CAPN9: variants seen among roughly 807,000 people sequenced by gnomAD.
CAPN9 encodes the protein calpain 9, also known as calpain-9.
A neutral mutation model predicts 92.8 loss-of-function variants in CAPN9; 81 were observed. That is an observed-to-expected ratio of 0.87 (90% confidence interval 0.73 to 1.05). The LOEUF is 1.05. Among genes scored for constraint, CAPN9 ranks in the 50% least tolerant of loss-of-function variants. The probability of loss-of-function intolerance (pLI) is 0.00; values close to 1 mark genes in which losing one functional copy is unlikely to be tolerated. For missense variants in CAPN9, 848 were observed against 866.2 expected (o/e 0.98, Z 0.26); for synonymous variants, 304 against 328.0 (o/e 0.93, Z 0.79).
chr1:230,752,605 G>C, intron 1 of CAPN9: 1 of 872,246 alleles, frequency 1.1e-6, no homozygotes, highest in Non-Finnish European at 1.4e-6. Context: ...GAGGGGAGGG[G>C]CAGGGAGGAT....
chr1:230,776,167 G>A (rs1431048750), intron 8 of CAPN9: 1 of 152,088 alleles, frequency 6.6e-6, no homozygotes, highest in Non-Finnish European at 1.5e-5. Flanking sequence ...CTATATCTGT[G>A]GAGGGCCCTG....
intron 1 of CAPN9, among the ~76,000 whole-genome samples, chr1:230,748,500 A>G (rs1664572631): frequency 6.6e-6 from 1 of 152,118 alleles, no homozygotes; most frequent in Admixed American, 6.5e-5. Flanking sequence ...TGGTCCTACA[A>G]GTGAGATCCT....
At position 230,747,468 on chromosome 1, in the gene CAPN9, G is replaced by T; in HGVS notation, c.-29G>T. 1 of 1,598,034 alleles carries T rather than the reference G, an allele frequency of 6.3e-7. No homozygotes were observed. Among genetic ancestry groups the T allele is most frequent in the South Asian group, 1.1e-5 (1 of 90,708 alleles). On this transcript the variant is annotated 5_prime_UTR_variant, in exon 1 of 20. Coordinates refer to ENST00000271971, the MANE Select transcript of CAPN9 (RefSeq NM_006615.3). ...TCACTTTCTTTTCCATCCACTGCCG[G>T]ACCCAAGCCAGCCTTCCAGGGAGCA... is the stretch of plus-strand genomic sequence containing the variant.
chr1:230,778,561 T>G (rs947983303), intron 8 of CAPN9, among the ~76,000 whole-genome samples: 2 of 152,196 alleles, frequency 1.3e-5, no homozygotes, highest in African/African-American at 4.8e-5. Flanking sequence ...CAAGCACCTC[T>G]CTGCCTCGGG....
chr1:230,786,343 C>G (rs1249584238), intron 12 of CAPN9: 2 of 182,784 alleles, frequency 1.1e-5, no homozygotes, highest in African/African-American at 2.4e-5. Context: ...AGGGATAAAG[C>G]ACTGCAATGG....
At position 230,790,148 on chromosome 1, in the gene CAPN9, C is replaced by G; in HGVS notation, c.1616C>G (p.Ala539Gly). The part of the protein sequence containing the change: ...QVAGEDMEVT[A>G]EELEYVLNAV... The stretch of plus-strand genomic sequence containing the variant: ...CTTCAACAGGACATGGAGGTGACAG[C>G]AGAGGAACTTGAGTATGTTTTAAAT... Residue 539 changes from alanine to glycine, a missense_variant, in exon 14 of 20, where the codon GCA becomes GGA. Ala to Gly is a moderately conservative substitution (Grantham distance 60). Transcript: ENST00000271971. The G allele has an allele frequency of 3.1e-6, 5 of 1,613,942 alleles. No individual in the cohort carries two copies. Among genetic ancestry groups the G allele is most frequent in the Non-Finnish European group, 4.2e-6 (5 of 1,179,840 alleles).
At chr1:230,795,484 G>A (rs866691940) in intron 18 of CAPN9, 12 of 509,214 alleles carry the variant, frequency 2.4e-5, no homozygotes, top group Admixed American at 3.3e-5. Context: ...TCTTAGCATC[G>A]CCTTTCTTTA....
intron 19 of CAPN9, among the ~76,000 whole-genome samples, chr1:230,800,976 C>G (rs1419542789): frequency 1.3e-5 from 2 of 152,130 alleles, no homozygotes; most frequent in Non-Finnish European, 2.9e-5. Context: ...ACACTGTGCC[C>G]AGGAAGGAGG....
chr1:230,751,300 A>G lies in CAPN9; in HGVS notation c.213+3591A>G, dbSNP rs143518546. 1.3e-4 allele frequency among the ~76,000 whole-genome samples: 20 copies of G among 152,322 alleles called. No homozygotes were observed. The East Asian group carries it at 3.9e-3, about 29-fold the overall frequency. On this transcript the variant is annotated intron_variant, in intron 1 of 19. Coordinates refer to ENST00000271971, the MANE Select transcript of CAPN9 (RefSeq NM_006615.3). ...CCATGGCCTCCACAGTGCTGGGCACATGACAGGGATCGGCACATAGCTATG... is the reference window on the plus strand; with the variant it reads ...CCATGGCCTCCACAGTGCTGGGCACGTGACAGGGATCGGCACATAGCTATG...
chr1:230,794,571 C>G (rs961789886), intron 17 of CAPN9, among the ~76,000 whole-genome samples: 1 of 152,204 alleles, frequency 6.6e-6, no homozygotes, highest in Non-Finnish European at 1.5e-5. Context: ...GCCCAGAGAA[C>G]TGAACCCATA....
At chr1:230,756,386 C>T (rs1665229706) in intron 2 of CAPN9, among the ~76,000 whole-genome samples, 1 of 151,784 alleles carries the variant, frequency 6.6e-6, no homozygotes, top group Non-Finnish European at 1.5e-5. Context: ...AGGTAGAAAA[C>T]GGATGCATAA....
chr1:230,800,323 C>T lies in CAPN9; in HGVS notation c.2047-1247C>T, dbSNP rs1405760105. 1.4e-5 allele frequency among the ~76,000 whole-genome samples: 2 copies of T among 147,484 alleles called. 1 individual carries two copies. Among genetic ancestry groups the T allele is most frequent in the Non-Finnish European group, 3.0e-5 (2 of 66,482 alleles). ...GAAAGAAAGGAAAAACAAGAGAGAC[C>T]CCTAGGTCCACCTTTATTTATCATT... is the stretch of plus-strand genomic sequence containing the variant. On this transcript the variant is annotated intron_variant, in intron 19 of 19. Transcript: ENST00000271971.
At chr1:230,758,949 T>A (rs1476310225) in intron 2 of CAPN9, among the ~76,000 whole-genome samples, 1 of 152,214 alleles carries the variant, frequency 6.6e-6, no homozygotes, top group Admixed American at 6.5e-5. Flanking sequence ...TTAGTTTTCC[T>A]CCAGATGTGT....
chr1:230,780,717 G>C lies in CAPN9; in HGVS notation c.1481+9G>C, dbSNP rs1667162685. 1 of 1,610,706 alleles carries C rather than the reference G, an allele frequency of 6.2e-7. No homozygotes were observed. The highest frequency in any genetic ancestry group is 1.1e-5 in the South Asian group (1 of 90,992). ...AAAAAAGCCATTACCCGGTGAGTCA[G>C]AGGAACAGCTTCCAGAATCCCACTT... On this transcript the variant is annotated intron_variant, in intron 11 of 19. Coordinates refer to ENST00000271971, the MANE Select transcript of CAPN9 (RefSeq NM_006615.3).
chr1:230,795,085 G>C (rs1229600893), intron 17 of CAPN9, 78 bp from the exon 18 acceptor site: 1 of 870,342 alleles, frequency 1.1e-6, no homozygotes, highest in Non-Finnish European at 1.9e-6. Flanking sequence ...TCAGCTGCCT[G>C]GGAGCTCCCT....
chr1:230,769,538 T>C (rs766481567), intron 6 of CAPN9, among the ~76,000 whole-genome samples: 18 of 152,236 alleles, frequency 1.2e-4, no homozygotes, highest in Non-Finnish European at 2.2e-4. Flanking sequence ...CCTTCAGTCC[T>C]GTGTTAGTCA....
rs767252772 is a variant in CAPN9 at position 230,772,001 on chromosome 1, TTTTCCC to T, written c.790-10_790-5del. 6.2e-7 allele frequency: 1 copy of T among 1,611,160 alleles called. No homozygotes were observed. Among genetic ancestry groups the T allele is most frequent in the Non-Finnish European group, 8.5e-7 (1 of 1,177,250 alleles). The stretch of plus-strand genomic sequence containing the variant: ...TTATCATTTCACACTTCCCTCATGC[TTTTCCC>T]TTCTAGGTAAGCTTCCGAGGCCAGA... On this transcript the variant is annotated splice_region_variant and splice_polypyrimidine_tract_variant and intron_variant, in intron 6 of 19. Coordinates refer to ENST00000271971, the MANE Select transcript of CAPN9 (RefSeq NM_006615.3).
At chr1:230,761,134 T>C (rs776020292) in intron 3 of CAPN9, among the ~76,000 whole-genome samples, 8 of 152,116 alleles carry the variant, frequency 5.3e-5, no homozygotes, top group Non-Finnish European at 7.4e-5. Context: ...CCAGGGATCA[T>C]GTGGGGGTGG....
rs753939021 is a variant in CAPN9, at chr1:230,795,271, A to G, written c.1979A>G (p.Asn660Ser). The G allele has an allele frequency of 1.9e-6, 3 of 1,603,806 alleles. No individual in the cohort carries two copies. The highest frequency in any genetic ancestry group is 2.6e-6 in the Non-Finnish European group (3 of 1,173,100). ...DFLNCLVRLE[N>S]ASRVFQALST... ...CTCAACTGCCTGGTCCGGCTGGAGAATGCGAGCCGTAAGTGTCCAGCGAGG... is the reference window on the plus strand; with the variant it reads ...CTCAACTGCCTGGTCCGGCTGGAGAGTGCGAGCCGTAAGTGTCCAGCGAGG... The change falls in exon 18 of 20, where the codon AAT (asparagine) becomes AGT (serine). Residue 660 changes from asparagine to serine, a missense_variant. Physicochemically the swap from Asn to Ser is conservative, Grantham distance 46. Coordinates refer to ENST00000271971, the MANE Select transcript of CAPN9 (RefSeq NM_006615.3).
Sources: gnomAD v4.1 joint callset for allele counts (sites outside exome capture counted in the v4.1 genomes callset) on GRCh38, gnomAD v4.1.1 for gene constraint, MANE v1.5 for transcripts, NCBI Gene and HGNC (gene_info 2026-07-23, HGNC 2026-07-21) for gene names.